Variants in PUM1 observed in about 807,000 individuals in gnomAD.
The protein encoded by PUM1 is pumilio RNA binding family member 1.
Under a neutral mutation model 131.8 loss-of-function variants are expected in PUM1, and 13 were observed. The observed-to-expected ratio is 0.10, with a 90% confidence interval of 0.06 to 0.16. The LOEUF (loss-of-function observed/expected upper bound fraction) is 0.16, where lower values mean the gene tolerates loss of function less well. Ranked by LOEUF, PUM1 falls within the 10% of genes least tolerant of loss-of-function variation. PUM1 has a pLI of 1.00. For missense variants in PUM1, 961 were observed against 1,512.4 expected, an observed-to-expected ratio of 0.64 and a Z score of 6.05; for synonymous variants, 509 against 556.5, an observed-to-expected ratio of 0.91 and a Z score of 1.20.
At chr1:30,938,661 G>A (rs140748087) in intron 20 of PUM1, among the ~76,000 whole-genome samples, 2,218 of 152,258 alleles carry the variant, frequency 0.015, 45 homozygotes, top group African/African-American at 0.05. Context: ...TCAGGAGATC[G>A]AGACCATCCT....
intron 2 of PUM1, among the ~76,000 whole-genome samples, chr1:31,058,809 G>C (rs536911048): frequency 6.7e-6 from 1 of 149,540 alleles, no homozygotes; most frequent in South Asian, 2.1e-4. Context: ...TGTTTCTACT[G>C]AAAATACATA....
intron 18 of PUM1, among the ~76,000 whole-genome samples, chr1:30,945,136 A>AGG (rs1481392880): frequency 6.6e-6 from 1 of 152,018 alleles, no homozygotes; most frequent in Non-Finnish European, 1.5e-5. Context: ...TGGGAGGCTG[A>AGG]GGGGGGAGGA....
chr1:31,009,945 C>G (rs1177392662), intron 3 of PUM1, among the ~76,000 whole-genome samples: 4 of 152,080 alleles, frequency 2.6e-5, no homozygotes, highest in Non-Finnish European at 5.9e-5. Context: ...GATCCTGTCA[C>G]CTTTCATGAT....
At chr1:30,962,916 G>A (rs1640477729) in intron 14 of PUM1, among the ~76,000 whole-genome samples, 1 of 152,086 alleles carries the variant, frequency 6.6e-6, no homozygotes, top group Admixed American at 6.5e-5. Flanking sequence ...TATGTAGTAT[G>A]GGATGACATA....
intron 17 of PUM1, chr1:30,949,008 A>T (rs1287813036): frequency 2.3e-6 from 1 of 442,428 alleles, no homozygotes; most frequent in Non-Finnish European, 4.6e-6. Context: ...TACCTTTGAA[A>T]CTTATCACTT....
chr1:30,981,788 T>C (rs1641367493), intron 7 of PUM1: 1 of 154,704 alleles, frequency 6.5e-6, no homozygotes, highest in African/African-American at 2.4e-5. Flanking sequence ...GGTCTACAGG[T>C]CCTGCCTGAT....
At chr1:31,033,471 C>A (rs1026108201) in intron 2 of PUM1, among the ~76,000 whole-genome samples, 1 of 146,472 alleles carries the variant, frequency 6.8e-6, no homozygotes, top group African/African-American at 2.5e-5. Context: ...CGGCTCACTG[C>A]AAGCTCTGCT....
chr1:31,041,203 C>A (rs1054839070), intron 2 of PUM1, among the ~76,000 whole-genome samples: 1 of 152,054 alleles, frequency 6.6e-6, no homozygotes, highest in Non-Finnish European at 1.5e-5. Context: ...AGCATCATGC[C>A]ATTCACTGAG....
At chr1:31,006,704 G>A (rs1642411626) in intron 4 of PUM1, among the ~76,000 whole-genome samples, 2 of 152,182 alleles carry the variant, frequency 1.3e-5, no homozygotes, top group East Asian at 1.9e-4. Flanking sequence ...CTAATTCCAA[G>A]TATGCTGACA....
chr1:31,049,995 A>C (rs1214575013), intron 2 of PUM1, among the ~76,000 whole-genome samples: 1 of 151,282 alleles, frequency 6.6e-6, no homozygotes, highest in Non-Finnish European at 1.5e-5. Context: ...ACACCTGGCT[A>C]ATTTTTGTAT....
Position 31,065,662 on chromosome 1 carries a change from C to G in PUM1, c.-58G>C. 2 of 1,549,960 alleles carry G rather than the reference C, an allele frequency of 1.3e-6. No individual in the cohort carries two copies. Among genetic ancestry groups the G allele is most frequent in the South Asian group, 1.2e-5 (1 of 84,066 alleles). ...ATGGATTTCAGCCCCCCGATCTTCT[C>G]TCTCTGGCGCTCTCGCTCCCCCTTA... On this transcript the variant is annotated 5_prime_UTR_variant, in exon 1 of 22. Coordinates refer to ENST00000426105, the MANE Select transcript of PUM1 (RefSeq NM_001020658.2).
At chr1:30,950,561 T>G (rs1052083093) in intron 16 of PUM1, among the ~76,000 whole-genome samples, 14 of 152,256 alleles carry the variant, frequency 9.2e-5, no homozygotes, top group African/African-American at 3.1e-4. Flanking sequence ...CATTAATTCA[T>G]ACTATTAAAT....
chr1:31,049,736 T>C (rs1431094073), intron 2 of PUM1, among the ~76,000 whole-genome samples: 1 of 150,060 alleles, frequency 6.7e-6, no homozygotes, highest in African/African-American at 2.4e-5. Context: ...TAAAGATACA[T>C]CATAAATATC....
chr1:30,959,767 C>T (rs1027108350), intron 14 of PUM1, among the ~76,000 whole-genome samples: 2 of 151,672 alleles, frequency 1.3e-5, no homozygotes, highest in African/African-American at 2.4e-5. Context: ...ATTAGCCGGG[C>T]GTGGTGGTGG....
rs1557610635 is a variant in PUM1 at position 31,059,240 on chromosome 1, T to C, written c.327A>G (p.Arg109=). The C allele has an allele frequency of 1.9e-6, 3 of 1,609,008 alleles. No homozygotes were observed. Among genetic ancestry groups the C allele is most frequent in the East Asian group, 2.2e-5 (1 of 44,836 alleles). ...CATGAATGTTATCCCCAGTAGGCCA[T>C]CGATGTTTGCTATTATTATAGCCGC... ...GGGGYNNSKH[R]WPTGDNIHAE... Residue 109 remains arginine, a synonymous_variant, in exon 2 of 22, where the codon CGA becomes CGG. Coordinates refer to ENST00000426105, the MANE Select transcript of PUM1 (RefSeq NM_001020658.2).
chr1:31,033,170 C>CA (rs921523929), intron 2 of PUM1, among the ~76,000 whole-genome samples: 7 of 150,616 alleles, frequency 4.6e-5, no homozygotes, highest in Admixed American at 1.3e-4. Flanking sequence ...GTTATCGAGC[C>CA]AAAAAATAAA....
chr1:31,059,168 G>C, intron 2 of PUM1, 36 bp downstream of exon 2: 1 of 1,524,924 alleles, frequency 6.6e-7, no homozygotes, highest in Non-Finnish European at 8.8e-7. Flanking sequence ...TGATTATAAA[G>C]GAATGTCAAA....
At chr1:31,009,783 A>C (rs1264828498) in intron 3 of PUM1, among the ~76,000 whole-genome samples, 5 of 56,412 alleles carry the variant, frequency 8.9e-5, no homozygotes, top group Non-Finnish European at 1.6e-4. Flanking sequence ...AAAAAAAAAA[A>C]AAAACAAAAA....
At chr1:31,004,937 A>C (rs1262447063) in intron 5 of PUM1, among the ~76,000 whole-genome samples, 1 of 152,236 alleles carries the variant, frequency 6.6e-6, no homozygotes, top group Non-Finnish European at 1.5e-5. Flanking sequence ...TTCAGGTGAT[A>C]TCAGCCCAAA....
Sources: allele counts gnomAD v4.1 joint callset (sites outside exome capture counted in the v4.1 genomes callset), GRCh38; gene constraint gnomAD v4.1.1; transcripts MANE v1.5; gene names NCBI Gene and HGNC (gene_info 2026-07-23, HGNC 2026-07-21).